Variants in PPARG observed in about 807,000 individuals in gnomAD.
PPARG encodes peroxisome proliferator-activated receptor gamma.
A neutral mutation model predicts 39.2 loss-of-function variants in PPARG; 17 were observed. The ratio of observed to expected loss-of-function variants is 0.43; its 90% CI spans 0.30 to 0.65. PPARG has a LOEUF of 0.65. Among genes scored for constraint, PPARG ranks in the 30% least tolerant of loss-of-function variants. The pLI is 0.13. For missense variants in PPARG, 406 were observed against 585.9 expected (o/e 0.69, Z 3.17); for synonymous variants, 223 against 215.7 (o/e 1.03, Z -0.30).
intron 2 of PPARG, among the ~76,000 whole-genome samples, chr3:12,370,229 C>G (rs1456969432): frequency 6.6e-6 from 1 of 151,238 alleles, no homozygotes; most frequent in Non-Finnish European, 1.5e-5. Context: ...TATTGATTTT[C>G]TAGCTTCCAG....
At chr3:12,291,068 C>T (rs1360293785) in intron 1 of PPARG, among the ~76,000 whole-genome samples, 1 of 152,100 alleles carries the variant, frequency 6.6e-6, no homozygotes, top group Non-Finnish European at 1.5e-5. Context: ...GGCAAATGTA[C>T]TGGAAGAAGT....
At chr3:12,397,692 G>A (rs1188663856) in intron 5 of PPARG, among the ~76,000 whole-genome samples, 8 of 151,984 alleles carry the variant, frequency 5.3e-5, no homozygotes, top group Admixed American at 4.6e-4. Flanking sequence ...TTACAGGCGT[G>A]AGCCACCGCG....
intron 2 of PPARG, among the ~76,000 whole-genome samples, chr3:12,355,196 G>A (rs541057847): frequency 6.6e-6 from 1 of 152,154 alleles, no homozygotes; most frequent in South Asian, 2.1e-4. Flanking sequence ...GCAGAGGCCT[G>A]ATATCATATT....
rs565583662 is a variant in PPARG at position 12,389,435 on chromosome 3, G to A, written c.391-3179G>A. Among the ~76,000 whole-genome samples the A allele has an allele frequency of 5.9e-5, 9 of 152,188 alleles. No homozygotes were observed. The South Asian group carries it at 1.0e-3, about 18-fold the overall frequency. Reference sequence around the variant, plus strand: ...CCAAACACACTGCGGTTAAACTGCCGAATACTAAAGACAAATAGAGAGTAT... The same window carrying A: ...CCAAACACACTGCGGTTAAACTGCCAAATACTAAAGACAAATAGAGAGTAT... On this transcript the variant is annotated intron_variant, in intron 4 of 7. Coordinates refer to ENST00000651735, the MANE Select transcript of PPARG (RefSeq NM_138711.6).
At chr3:12,340,904 G>A (rs988574701) in intron 2 of PPARG, among the ~76,000 whole-genome samples, 3 of 152,196 alleles carry the variant, frequency 2.0e-5, no homozygotes, top group African/African-American at 7.2e-5. Context: ...GGATTAGATG[G>A]CTGGGCGTGG....
intron 7 of PPARG, 113 bp downstream of exon 7, chr3:12,417,267 G>A (rs2051095376): frequency 9.4e-7 from 1 of 1,065,428 alleles, no homozygotes; most frequent in Non-Finnish European, 1.4e-6. Flanking sequence ...AGTGCCAGTG[G>A]CATGATGCCA....
chr3:12,374,883 A>T (rs147868305), intron 2 of PPARG, among the ~76,000 whole-genome samples: 1 of 152,346 alleles, frequency 6.6e-6, no homozygotes, highest in African/African-American at 2.4e-5. Flanking sequence ...TGAAAAGCAA[A>T]ACAAAACGAA....
intron 2 of PPARG, chr3:12,327,914 T>G: frequency 1.6e-6 from 1 of 621,942 alleles, no homozygotes; most frequent in Non-Finnish European, 2.9e-6. Context: ...ACATAGCACT[T>G]TAAAAGCTCT....
chr3:12,345,079 A>T (rs2048288701), intron 2 of PPARG, among the ~76,000 whole-genome samples: 2 of 141,252 alleles, frequency 1.4e-5, no homozygotes, highest in South Asian at 4.3e-4. Context: ...ATACAGATCC[A>T]AGGTGTTTTT....
At chr3:12,288,252 CG>C (rs2046558668), upstream of PPARG, among the ~76,000 whole-genome samples, 1 of 151,680 alleles carries the variant, frequency 6.6e-6, no homozygotes, top group Non-Finnish European at 1.5e-5. Context: ...GGGTCGCGGG[CG>C]GGCGGCTCAC....
chr3:12,374,810 C>T (rs966555115), intron 2 of PPARG, among the ~76,000 whole-genome samples: 4 of 152,052 alleles, frequency 2.6e-5, no homozygotes, highest in African/African-American at 9.7e-5. Flanking sequence ...TTTAAGAGCT[C>T]TGTACTTTCT....
chr3:12,396,685 G>A (rs756247394), intron 5 of PPARG, among the ~76,000 whole-genome samples: 1 of 151,562 alleles, frequency 6.6e-6, no homozygotes, highest in Non-Finnish European at 1.5e-5. Context: ...TTTAGCCCAG[G>A]GGGTGGAAGT....
intron 5 of PPARG, among the ~76,000 whole-genome samples, chr3:12,395,794 T>G (rs1023134774): frequency 2.0e-5 from 3 of 152,214 alleles, no homozygotes; most frequent in African/African-American, 7.2e-5. Flanking sequence ...CTGAGTCATC[T>G]CAAGCACAAT....
chr3:12,412,967 T>C (rs372566864), intron 6 of PPARG, among the ~76,000 whole-genome samples: 20 of 152,290 alleles, frequency 1.3e-4, no homozygotes, highest in Admixed American at 4.6e-4. Flanking sequence ...AATTTGAGAA[T>C]GATACGGCTC....
At position 12,344,660 on chromosome 3, in the gene PPARG, G is replaced by A. The variant is rs987244176; in HGVS notation, c.-9+32207G>A. ...ACTCTATATACCGTCTCTTCCTGAA[G>A]CGTATTTATGTAGCTCCTGTTAACA... is the stretch of plus-strand genomic sequence containing the variant. On this transcript the variant is annotated intron_variant, in intron 2 of 7. Coordinates refer to ENST00000651735, the MANE Select transcript of PPARG (RefSeq NM_138711.6). 4 of 152,294 alleles carry A rather than the reference G, an allele frequency of 2.6e-5. No homozygotes were observed. The South Asian group carries it at 8.3e-4, about 32-fold the overall frequency. 9.4% of individuals were successfully genotyped at this position (152,294 alleles called of 1,614,324 possible).
intron 2 of PPARG, among the ~76,000 whole-genome samples, chr3:12,360,798 T>C (rs755888114): frequency 1.1e-4 from 17 of 152,356 alleles, no homozygotes; most frequent in Non-Finnish European, 2.2e-4. Flanking sequence ...TAGTGTTTCA[T>C]TGTATAAATA....
intron 7 of PPARG, among the ~76,000 whole-genome samples, chr3:12,427,020 T>C (rs557513273): frequency 1.3e-5 from 2 of 152,318 alleles, no homozygotes; most frequent in East Asian, 3.9e-4. Context: ...GTCCCAGGCA[T>C]TCGTTTGCTT....
intron 7 of PPARG, among the ~76,000 whole-genome samples, chr3:12,421,016 TTC>T (rs1352983153): frequency 1.3e-5 from 2 of 152,236 alleles, no homozygotes; most frequent in Non-Finnish European, 2.9e-5. Context: ...TTCATGTTCA[TTC>T]TCTCATTCCA....
chr3:12,315,270 A>C (rs1187459954), intron 2 of PPARG, among the ~76,000 whole-genome samples: 1 of 152,236 alleles, frequency 6.6e-6, no homozygotes, highest in Non-Finnish European at 1.5e-5. Flanking sequence ...CATGAATGAC[A>C]GGATTTCATT....
Sources: gnomAD v4.1 joint callset for allele counts (sites outside exome capture counted in the v4.1 genomes callset) on GRCh38, gnomAD v4.1.1 for gene constraint, MANE v1.5 for transcripts, NCBI Gene and HGNC (gene_info 2026-07-23, HGNC 2026-07-21) for gene names.